ZDHHC13: variants seen among roughly 807,000 people sequenced by gnomAD.
The protein encoded by ZDHHC13 is palmitoyltransferase ZDHHC13.
In ZDHHC13, 85 loss-of-function variants were observed where a neutral mutation model predicts 86.0. That is an observed-to-expected ratio of 0.99 (90% confidence interval 0.83 to 1.18). ZDHHC13 has a LOEUF of 1.18. Among genes scored for constraint, ZDHHC13 ranks in the 50% most tolerant of loss-of-function variants. ZDHHC13 has a pLI of 0.00. For synonymous variants in ZDHHC13, 263 were observed against 246.4 expected (o/e 1.07, Z -0.63); for missense variants, 711 against 730.2 (o/e 0.97, Z 0.30).
At chr11:19,169,697 G>T in intron 14 of ZDHHC13, 1 of 985,484 alleles carries the variant, frequency 1.0e-6, no homozygotes, top group Non-Finnish European at 1.2e-6. Flanking sequence ...TGCTTCCTGT[G>T]TGTATTTCTC....
At chr11:19,147,734 A>G in intron 4 of ZDHHC13, 61 bp downstream of exon 4, 2 of 1,383,590 alleles carry the variant, frequency 1.4e-6, no homozygotes, top group Non-Finnish European at 2.0e-6. Flanking sequence ...CACCATATAA[A>G]AAATCAGTTA....
Position 19,173,322 on chromosome 11 carries a change from C to G in ZDHHC13, c.1730+502C>G, listed in dbSNP as rs192359995. ...TTTTTCAGATTTGGATTTGTTCCCC[C>G]TGGAGCATTTGGTTGTATAAAACAC... is the stretch of plus-strand genomic sequence containing the variant. On this transcript the variant is annotated intron_variant, in intron 16 of 16. Transcript: ENST00000446113. Among the ~76,000 whole-genome samples, 10 of 152,294 alleles carry G rather than the reference C, an allele frequency of 6.6e-5. No individual in the cohort carries two copies. In the East Asian group the frequency reaches 1.4e-3, roughly 21 times the overall value.
intron 1 of ZDHHC13, among the ~76,000 whole-genome samples, chr11:19,135,380 C>T (rs1008822683): frequency 8.5e-5 from 13 of 152,204 alleles, no homozygotes; most frequent in African/African-American, 7.2e-5. Flanking sequence ...TAAAAAACGG[C>T]GCACCAGGAG....
chr11:19,136,466 C>G (rs559864267), intron 1 of ZDHHC13, among the ~76,000 whole-genome samples: 3 of 151,962 alleles, frequency 2.0e-5, no homozygotes, highest in African/African-American at 2.4e-5. Flanking sequence ...CTGAAAGTGA[C>G]GGGGAGAATG....
In ZDHHC13 at chr11:19,136,686, A is replaced by T. The variant is rs200413341; in HGVS notation, c.28-6292A>T. Among the ~76,000 whole-genome samples, 6 of 152,202 alleles carry T rather than the reference A, an allele frequency of 3.9e-5. No individual in the cohort carries two copies. The East Asian group carries it at 9.7e-4, about 25-fold the overall frequency. On this transcript the variant is annotated intron_variant, in intron 1 of 16. Coordinates refer to ENST00000446113, the MANE Select transcript of ZDHHC13 (RefSeq NM_019028.3). ...GCCAGAGAGAAAGGTCGGGTTACCCACAAAGGGAAGCCCATCAGACTAACA... is the reference window on the plus strand; with the variant it reads ...GCCAGAGAGAAAGGTCGGGTTACCCTCAAAGGGAAGCCCATCAGACTAACA...
At chr11:19,134,139 G>C (rs1684141861) in intron 1 of ZDHHC13, among the ~76,000 whole-genome samples, 1 of 151,780 alleles carries the variant, frequency 6.6e-6, no homozygotes, top group African/African-American at 2.4e-5. Context: ...TATAATTTCT[G>C]ATACATTTAT....
rs557905581 is a variant in ZDHHC13 at position 19,135,241 on chromosome 11, G to A, written c.28-7737G>A. Among the ~76,000 whole-genome samples, 1,046 of 152,330 alleles carry A rather than the reference G, an allele frequency of 6.9e-3. 9 individuals are homozygous for A. Among genetic ancestry groups the A allele is most frequent in the African/African-American group, 0.024 (986 of 41,574 alleles). On this transcript the variant is annotated intron_variant, in intron 1 of 16. Coordinates refer to ENST00000446113, the MANE Select transcript of ZDHHC13 (RefSeq NM_019028.3). ...CACGGTGTGCGAGCCGAAGCAGGGCGAGGCGTTGCCTCACTTGGGAAGCAC... is the reference window on the plus strand; with the variant it reads ...CACGGTGTGCGAGCCGAAGCAGGGCAAGGCGTTGCCTCACTTGGGAAGCAC...
intron 1 of ZDHHC13, among the ~76,000 whole-genome samples, chr11:19,125,586 A>G (rs559828459): frequency 1.4e-4 from 21 of 152,310 alleles, no homozygotes; most frequent in Non-Finnish European, 2.9e-4. Flanking sequence ...ACATATGGCC[A>G]AGCAGTCTTA....
intron 1 of ZDHHC13, among the ~76,000 whole-genome samples, chr11:19,142,299 G>A (rs959828794): frequency 2.6e-5 from 4 of 152,086 alleles, no homozygotes; most frequent in East Asian, 1.9e-4. Context: ...ACAGGCCCTC[G>A]CATATCATGG....
At position 19,140,095 on chromosome 11, in the gene ZDHHC13, C is replaced by G. The variant is rs1313181824; in HGVS notation, c.28-2883C>G. 5.6e-4 allele frequency among the ~76,000 whole-genome samples: 83 copies of G among 149,494 alleles called. 1 individual carries two copies. The highest frequency in any genetic ancestry group is 1.9e-3 in the African/African-American group (77 of 40,578). On this transcript the variant is annotated intron_variant, in intron 1 of 16. Transcript: ENST00000446113. ...CTAATTAAACTAAAGAGCTTCTGCACAGCAAAAGAAACTACCATCAGAGTG... is the reference window on the plus strand; with the variant it reads ...CTAATTAAACTAAAGAGCTTCTGCAGAGCAAAAGAAACTACCATCAGAGTG...
At chr11:19,172,584 T>A (rs1422302625) in intron 15 of ZDHHC13, 139 bp from the exon 16 acceptor site, 16 of 575,220 alleles carry the variant, frequency 2.8e-5, no homozygotes. Context: ...TCTGATTAAC[T>A]TTTTCTTTGT....
At chr11:19,146,382 G>A (rs1230132877) in intron 3 of ZDHHC13, 79 bp downstream of exon 3, 1 of 1,474,530 alleles carries the variant, frequency 6.8e-7, no homozygotes, top group Non-Finnish European at 9.0e-7. Flanking sequence ...TTAAGTATGG[G>A]TATTGAACCA....
intron 3 of ZDHHC13, among the ~76,000 whole-genome samples, chr11:19,146,580 TAATAAACTTTTTCAGAA>T (rs2133413457): frequency 6.6e-6 from 1 of 152,284 alleles, no homozygotes; most frequent in South Asian, 2.1e-4. Flanking sequence ...AGGAAAAGTA[TAATAAACTTTTTCAGAA>T]GAGAATGGGA....
At chr11:19,137,319 A>C (rs1849170497) in intron 1 of ZDHHC13, among the ~76,000 whole-genome samples, 1 of 152,118 alleles carries the variant, frequency 6.6e-6, no homozygotes, top group Non-Finnish European at 1.5e-5. Flanking sequence ...AGAGACAAAG[A>C]AGGCCATTAC....
chr11:19,131,695 G>A (rs1849004135), intron 1 of ZDHHC13, among the ~76,000 whole-genome samples: 1 of 151,766 alleles, frequency 6.6e-6, no homozygotes, highest in South Asian at 2.1e-4. Flanking sequence ...GGTGTGCAGT[G>A]GTGTGATCTT....
In ZDHHC13 at chr11:19,158,874, G is replaced by A. The variant is rs576821485; in HGVS notation, c.1008-66G>A. The A allele has an allele frequency of 3.1e-5, 33 of 1,073,820 alleles. No homozygotes were observed. The East Asian group carries it at 8.5e-4, about 28-fold the overall frequency. The allele number at this position is 1,073,820 out of a possible 1,614,324, so 66.5% of individuals were successfully genotyped here. A position where few individuals can be genotyped will look rare whatever the true frequency, so the allele number is the denominator to read the frequency against. On this transcript the variant is annotated intron_variant, in intron 9 of 16. Coordinates refer to ENST00000446113, the MANE Select transcript of ZDHHC13 (RefSeq NM_019028.3). The stretch of plus-strand genomic sequence containing the variant: ...TTATTATTACTACCATTATTATTTA[G>A]GGAAATTTAGAACTAAAATTAATAC...
rs560181130 is a variant in ZDHHC13 at position 19,152,583 on chromosome 11, C to G, written c.772C>G (p.Leu258Val). Residue 258 changes from leucine (L) to valine (V), a missense_variant, in exon 8 of 17, where the codon CTA (leucine) becomes GTA (valine). Leu to Val is a conservative substitution (Grantham distance 32). Coordinates refer to ENST00000446113, the MANE Select transcript of ZDHHC13 (RefSeq NM_019028.3). ...VKGETPLDMA[L>V]QNKNQLIIHM... is the part of the protein sequence containing the mutation. ...GGGAGAAACACCTCTTGATATGGCT[C>G]TACAAAACAAAAATCAGCTCATTAT... is the stretch of plus-strand genomic sequence containing the variant. The G allele has an allele frequency of 2.6e-4, 416 of 1,612,678 alleles. 1 individual carries two copies. The Admixed American group carries it at 6.1e-3, about 23-fold the overall frequency.
rs904462173 is a variant in ZDHHC13 at position 19,138,089 on chromosome 11, C to A, written c.28-4889C>A. On this transcript the variant is annotated intron_variant, in intron 1 of 16. Coordinates refer to ENST00000446113, the MANE Select transcript of ZDHHC13 (RefSeq NM_019028.3). ...AGCAGAACTGAAGGAAATAGAGACA[C>A]AAAAAAACCCTTCAAAAAATTAATG... is the stretch of plus-strand genomic sequence containing the variant. 1.1e-4 allele frequency among the ~76,000 whole-genome samples: 16 copies of A among 150,868 alleles called. No individual in the cohort carries two copies. In the East Asian group the frequency reaches 2.1e-3, roughly 20 times the overall value.
intron 1 of ZDHHC13, among the ~76,000 whole-genome samples, chr11:19,119,084 T>TC (rs1322371648): frequency 1.3e-5 from 2 of 152,202 alleles, no homozygotes; most frequent in Non-Finnish European, 2.9e-5. Flanking sequence ...GCCTATACAA[T>TC]CAGGTCTGCA....
Sources: allele counts gnomAD v4.1 joint callset (sites outside exome capture counted in the v4.1 genomes callset), GRCh38; gene constraint gnomAD v4.1.1; transcripts MANE v1.5; gene names NCBI Gene and HGNC (gene_info 2026-07-23, HGNC 2026-07-21).